The following COMMD10 variants were observed in gnomAD, a reference collection of about 807,000 sequenced individuals.
COMMD10 encodes COMM domain containing 10.
COMMD10 carries 33 observed loss-of-function variants against 28.9 expected under a neutral mutation model. The observed-to-expected ratio is 1.14, with a 90% CI of 0.87 to 1.53. The LOEUF is 1.53. Among genes scored for constraint, COMMD10 ranks in the 40% most tolerant of loss-of-function variants. The pLI, the probability that COMMD10 is intolerant of heterozygous loss-of-function variation, is 0.00. For synonymous variants in COMMD10, 110 were observed against 81.7 expected, an observed-to-expected ratio of 1.35 and a Z score of -1.87; for missense variants, 310 against 233.4, an observed-to-expected ratio of 1.33 and a Z score of -2.14.
At position 116,279,095 on chromosome 5, in the gene COMMD10, A is replaced by G. The variant is rs541045035; in HGVS notation, c.511-12422A>G. 8.6e-5 allele frequency among the ~76,000 whole-genome samples: 13 copies of G among 151,864 alleles called. No individual in the cohort carries two copies. In the East Asian group the frequency reaches 1.2e-3, roughly 14 times the overall value. On this transcript the variant is annotated intron_variant, in intron 5 of 6. Coordinates refer to ENST00000274458, the MANE Select transcript of COMMD10 (RefSeq NM_016144.4). ...ATGCCCTAGGATGTGCATGCATGCA[A>G]TTGGAAGCACTGTTGGGAGAACACA...
At chr5:116,276,976 A>G (rs971772184) in intron 5 of COMMD10, among the ~76,000 whole-genome samples, 1 of 151,860 alleles carries the variant, frequency 6.6e-6, no homozygotes, top group Admixed American at 6.6e-5. Context: ...GCACAACTGT[A>G]TGAACATTCT....
intron 5 of COMMD10, among the ~76,000 whole-genome samples, chr5:116,261,893 T>C (rs1375738916): frequency 3.3e-5 from 5 of 151,834 alleles, no homozygotes; most frequent in Non-Finnish European, 7.4e-5. Context: ...TTTTTCCCTT[T>C]AGTTTTATAA....
chr5:116,234,862 TGCAGCC>T (rs1009573514), intron 5 of COMMD10, among the ~76,000 whole-genome samples: 2 of 152,202 alleles, frequency 1.3e-5, no homozygotes, highest in Admixed American at 1.3e-4. Flanking sequence ...AGAGCTCACA[TGCAGCC>T]GCAGGAGAGC....
intron 5 of COMMD10, among the ~76,000 whole-genome samples, chr5:116,140,229 CTATGTGTGTG>C (rs1752155583): frequency 2.5e-5 from 3 of 122,244 alleles, no homozygotes; most frequent in Non-Finnish European, 4.8e-5. Flanking sequence ...ACTCATACTA[CTATGTGTGTG>C]TGTGTGTGTG....
chr5:116,204,305 A>G (rs1201055006), intron 5 of COMMD10, among the ~76,000 whole-genome samples: 2 of 152,154 alleles, frequency 1.3e-5, no homozygotes, highest in Non-Finnish European at 2.9e-5. Context: ...ACTTTAAATT[A>G]TCTTTCTATT....
At chr5:116,109,606 A>G (rs533252213) in intron 4 of COMMD10, among the ~76,000 whole-genome samples, 14 of 152,256 alleles carry the variant, frequency 9.2e-5, no homozygotes, top group African/African-American at 3.4e-4. Context: ...AAACAAACAA[A>G]CAAAAAATTC....
chr5:116,119,825 A>T (rs527957851), intron 4 of COMMD10, among the ~76,000 whole-genome samples: 3 of 152,212 alleles, frequency 2.0e-5, no homozygotes, highest in South Asian at 2.1e-4. Context: ...CATTTTGCCC[A>T]GGCTGGTCTT....
chr5:116,164,522 T>G (rs1208294215), intron 5 of COMMD10, among the ~76,000 whole-genome samples: 1 of 152,200 alleles, frequency 6.6e-6, no homozygotes, highest in Admixed American at 6.6e-5. Flanking sequence ...GTTCATGCCA[T>G]TACTGCTAAT....
intron 5 of COMMD10, among the ~76,000 whole-genome samples, chr5:116,210,675 T>G (rs1262775652): frequency 2.0e-5 from 3 of 152,110 alleles, no homozygotes; most frequent in African/African-American, 7.2e-5. Context: ...ATTTCTACTT[T>G]CAGAATATAT....
intron 4 of COMMD10, among the ~76,000 whole-genome samples, chr5:116,127,245 A>C (rs577324003): frequency 6.6e-6 from 1 of 152,386 alleles, no homozygotes; most frequent in African/African-American, 2.4e-5. Flanking sequence ...CACACCAGTT[A>C]GAATGGCGAT....
intron 5 of COMMD10, among the ~76,000 whole-genome samples, chr5:116,211,986 T>C (rs891789330): frequency 6.6e-6 from 1 of 152,138 alleles, no homozygotes; most frequent in Non-Finnish European, 1.5e-5. Flanking sequence ...GTAATGATAA[T>C]ACCTGCTTCT....
At chr5:116,199,230 A>G (rs1437233505) in intron 5 of COMMD10, among the ~76,000 whole-genome samples, 1 of 151,952 alleles carries the variant, frequency 6.6e-6, no homozygotes, top group Non-Finnish European at 1.5e-5. Flanking sequence ...GCATCTTTTT[A>G]TATATTTATT....
chr5:116,163,423 T>TGAAAAA (rs1752984841), intron 5 of COMMD10, among the ~76,000 whole-genome samples: 1 of 92,524 alleles, frequency 1.1e-5, no homozygotes, highest in African/African-American at 5.3e-5. Context: ...CACCTCTACT[T>TGAAAAA]AAAAAAAAAA....
At chr5:116,105,178 A>C (rs1340687568) in intron 4 of COMMD10, among the ~76,000 whole-genome samples, 3 of 152,158 alleles carry the variant, frequency 2.0e-5, no homozygotes, top group Non-Finnish European at 4.4e-5. Flanking sequence ...AGGGCTGTTG[A>C]ATTTTATCAA....
chr5:116,252,541 A>G (rs1750149494), intron 5 of COMMD10, among the ~76,000 whole-genome samples: 1 of 110,926 alleles, frequency 9.0e-6, no homozygotes, highest in Non-Finnish European at 1.9e-5. Context: ...TCCCAGCACC[A>G]TTTATTAAAT....
At chr5:116,194,792 G>A (rs1383734771) in intron 5 of COMMD10, among the ~76,000 whole-genome samples, 1 of 151,956 alleles carries the variant, frequency 6.6e-6, no homozygotes, top group Admixed American at 6.6e-5. Context: ...GATAAAGAAG[G>A]AGCCCTTCCT....
intron 5 of COMMD10, among the ~76,000 whole-genome samples, chr5:116,216,926 T>C: frequency 6.6e-6 from 1 of 152,170 alleles, no homozygotes; most frequent in East Asian, 1.9e-4. Flanking sequence ...CTTCAGTTAT[T>C]ACACTGTATT....
chr5:116,121,944 C>T (rs1751448968), intron 4 of COMMD10, among the ~76,000 whole-genome samples: 1 of 152,176 alleles, frequency 6.6e-6, no homozygotes, highest in African/African-American at 2.4e-5. Context: ...CCTGTTCACT[C>T]TGATGGTAGT....
At chr5:116,177,745 C>A (rs1336192451) in intron 5 of COMMD10, among the ~76,000 whole-genome samples, 1 of 152,120 alleles carries the variant, frequency 6.6e-6, no homozygotes, top group Non-Finnish European at 1.5e-5. Flanking sequence ...TCCTTTAAAA[C>A]TTATATGCTA....
Sources: gnomAD v4.1 joint callset for allele counts (sites outside exome capture counted in the v4.1 genomes callset) on GRCh38, gnomAD v4.1.1 for gene constraint, MANE v1.5 for transcripts, NCBI Gene and HGNC (gene_info 2026-07-23, HGNC 2026-07-21) for gene names.